The following TEX2 variants were observed in gnomAD, a reference collection of about 807,000 sequenced individuals.
TEX2 encodes the protein testis expressed 2.
In TEX2, 53 loss-of-function variants were observed where a neutral mutation model predicts 106.9. The observed-to-expected ratio is 0.50, with a 90% CI of 0.40 to 0.62. The LOEUF is 0.62. Among genes scored for constraint, TEX2 ranks in the 20% least tolerant of loss-of-function variants. The probability of loss-of-function intolerance (pLI) is 0.00; values close to 1 mark genes in which losing one functional copy is unlikely to be tolerated. For synonymous variants in TEX2, 523 were observed against 534.8 expected, an observed-to-expected ratio of 0.98 and a Z score of 0.30; for missense variants, 1,207 against 1,379.0, an observed-to-expected ratio of 0.88 and a Z score of 1.98.
chr17:64,214,064 ACTC>A lies in TEX2; in HGVS notation c.151_153del (p.Glu51del), dbSNP rs1437133226. On this transcript the variant is annotated inframe_deletion, in exon 2 of 12. Coordinates refer to ENST00000584379, the MANE Select transcript of TEX2 (RefSeq NM_001288732.2). ...AGCCCCTCCTCAAAGTACTCCCTGA[ACTC>A]CTCCTCCTCTTCCTCCTCCTCCTCG... 3.1e-6 allele frequency: 5 copies of A among 1,613,392 alleles called. No individual in the cohort carries two copies. Among genetic ancestry groups the A allele is most frequent in the Admixed American group, 1.7e-5 (1 of 59,930 alleles).
At chr17:64,252,086 G>A (rs2034103949) in intron 1 of TEX2, among the ~76,000 whole-genome samples, 1 of 152,112 alleles carries the variant, frequency 6.6e-6, no homozygotes, top group Non-Finnish European at 1.5e-5. Context: ...CCTGAGGCTG[G>A]GTGCAGAAAA....
Position 64,232,865 on chromosome 17 carries a change from G to C in TEX2, c.-25-18623C>G, listed in dbSNP as rs1032481815. Reference sequence around the variant, plus strand: ...GCTGAAAATGGTCCCTGGTTCCCATGGGTTCCTTTGCAGATGGCATGAGCC... The same window carrying C: ...GCTGAAAATGGTCCCTGGTTCCCATCGGTTCCTTTGCAGATGGCATGAGCC... On this transcript the variant is annotated intron_variant, in intron 1 of 11. Transcript: ENST00000584379. Among the ~76,000 whole-genome samples the C allele has an allele frequency of 5.3e-5, 8 of 152,192 alleles. 1 individual carries two copies. In the South Asian group the frequency reaches 8.3e-4, roughly 16 times the overall value.
chr17:64,215,127 C>A (rs1030634259), intron 1 of TEX2, among the ~76,000 whole-genome samples: 1 of 152,174 alleles, frequency 6.6e-6, no homozygotes, highest in African/African-American at 2.4e-5. Flanking sequence ...AAGTCAGAAG[C>A]CTGAAAAGCT....
At chr17:64,259,832 C>T (rs1867622) in intron 1 of TEX2, among the ~76,000 whole-genome samples, 2 of 152,158 alleles carry the variant, frequency 1.3e-5, no homozygotes, top group African/African-American at 4.8e-5. Flanking sequence ...GACTATAAGA[C>T]ACACTGTTAT....
intron 6 of TEX2, among the ~76,000 whole-genome samples, chr17:64,172,544 CGGA>C (rs2031455600): frequency 6.6e-6 from 1 of 152,014 alleles, no homozygotes; most frequent in Non-Finnish European, 1.5e-5. Flanking sequence ...GGGAGGCACA[CGGA>C]GAAGAGTGTT....
chr17:64,253,233 G>A (rs1002960405), intron 1 of TEX2, among the ~76,000 whole-genome samples: 20 of 152,188 alleles, frequency 1.3e-4, no homozygotes, highest in African/African-American at 4.8e-4. Context: ...CAACCTCCTG[G>A]GTTCAAACAA....
rs532898241 is a variant in TEX2 at position 64,262,233 on chromosome 17, C to T, written c.-26+935G>A. ...TCCCTCAACTCTAAAAAAGGATGTC[C>T]TCCCTGGACAGTGTCTGTAAAACAC... On this transcript the variant is annotated intron_variant, in intron 1 of 11. Coordinates refer to ENST00000584379, the MANE Select transcript of TEX2 (RefSeq NM_001288732.2). Among the ~76,000 whole-genome samples the T allele has an allele frequency of 9.2e-5, 14 of 152,332 alleles. No homozygotes were observed. In the South Asian group the frequency reaches 2.9e-3, roughly 32 times the overall value.
At position 64,148,819 on chromosome 17, in the gene TEX2, T is replaced by C. The variant is rs1171422352; in HGVS notation, c.*150A>G. ...AGATGCAGGGAATGACACCTCACAG[T>C]GGAATGGGCACTGGCAGGCAGAGGG... On this transcript the variant is annotated 3_prime_UTR_variant, in exon 12 of 12. Transcript: ENST00000584379. The C allele has an allele frequency of 2.2e-6, 2 of 909,920 alleles. No homozygotes were observed. The highest frequency in any genetic ancestry group is 3.3e-6 in the Non-Finnish European group (2 of 613,360). 56.4% of individuals were successfully genotyped at this position (909,920 alleles called of 1,614,324 possible). A position where few individuals can be genotyped will look rare whatever the true frequency, so the allele number is the denominator to read the frequency against.
At chr17:64,233,354 A>G (rs2033698747) in intron 1 of TEX2, among the ~76,000 whole-genome samples, 1 of 152,106 alleles carries the variant, frequency 6.6e-6, no homozygotes, top group African/African-American at 2.4e-5. Context: ...TGGGTGGATC[A>G]CGAGGTCAGG....
In TEX2 at chr17:64,205,303, C is replaced by T. The variant is rs994648074; in HGVS notation, c.1644+7271G>A. On this transcript the variant is annotated intron_variant, in intron 2 of 11. Transcript: ENST00000584379. The surrounding 1 kb of genome is among the most constrained non-coding windows in gnomAD (Gnocchi z 4.0). ...CTGCACTCTAGCCTGAGCGACAGAG[C>T]GAGGCAAAACAAACAAACATACAAA... 6.6e-6 allele frequency among the ~76,000 whole-genome samples: 1 copy of T among 152,108 alleles called. No individual in the cohort carries two copies. The highest frequency in any genetic ancestry group is 6.5e-5 in the Admixed American group (1 of 15,270).
intron 7 of TEX2, among the ~76,000 whole-genome samples, chr17:64,167,540 T>C (rs2331542): frequency 0.72 from 109,700 of 152,034 alleles, 39,684 homozygotes; most frequent in East Asian, 0.83. Context: ...CTGTTTGAGC[T>C]GGGCGCAGTG....
At chr17:64,244,857 C>T (rs1485433144) in intron 1 of TEX2, among the ~76,000 whole-genome samples, 1 of 152,154 alleles carries the variant, frequency 6.6e-6, no homozygotes, top group Non-Finnish European at 1.5e-5. Context: ...CTACTCCCCC[C>T]AACCCTGGCT....
rs1368617941 is a variant in TEX2, at chr17:64,205,955, G to T, written c.1644+6619C>A. 1.3e-5 allele frequency among the ~76,000 whole-genome samples: 2 copies of T among 152,132 alleles called. No individual in the cohort carries two copies. Among genetic ancestry groups the T allele is most frequent in the African/African-American group, 4.8e-5 (2 of 41,408 alleles). The stretch of plus-strand genomic sequence containing the variant: ...TTGCTCGTGAATATAATTCAAAATT[G>T]CATCTGAGTCATATACTCAAACATA... On this transcript the variant is annotated intron_variant, in intron 2 of 11. Transcript: ENST00000584379. This position sits in a 1 kb window ranked among gnomAD's most constrained non-coding sequence, Gnocchi z 4.0.
At chr17:64,239,819 TGAGCCAAGATCA>T (rs2033847612) in intron 1 of TEX2, among the ~76,000 whole-genome samples, 1 of 126,970 alleles carries the variant, frequency 7.9e-6, no homozygotes, top group Admixed American at 1.1e-4. Context: ...GAGGTTGCAG[TGAGCCAAGATCA>T]TGCCACTGCA....
rs1443643350 is a variant in TEX2, at chr17:64,212,557, C to T, written c.1644+17G>A. The T allele has an allele frequency of 6.2e-7, 1 of 1,602,862 alleles. No homozygotes were observed. The highest frequency in any genetic ancestry group is 8.5e-7 in the Non-Finnish European group (1 of 1,173,064). On this transcript the variant is annotated intron_variant, in intron 2 of 11. Transcript: ENST00000584379. ...TGAGAAGTGTGTGTACTAGCCAGCT[C>T]CCGGGGAGAGGCTTACCTTCAGTAT...
In TEX2 at chr17:64,201,658, A is replaced by G. The variant is rs569103430; in HGVS notation, c.1645-6563T>C. On this transcript the variant is annotated intron_variant, in intron 2 of 11. Coordinates refer to ENST00000584379, the MANE Select transcript of TEX2 (RefSeq NM_001288732.2). ...AGCTCCATGGCACGGCCCCACCTGC[A>G]GTCTGGCTTGTGCCTAGTCACCCCT... 2.0e-5 allele frequency among the ~76,000 whole-genome samples: 3 copies of G among 152,270 alleles called. No homozygotes were observed. The South Asian group carries it at 6.2e-4, about 32-fold the overall frequency.
chr17:64,231,525 G>A (rs1275643527), intron 1 of TEX2, among the ~76,000 whole-genome samples: 1 of 152,208 alleles, frequency 6.6e-6, no homozygotes, highest in Non-Finnish European at 1.5e-5. Context: ...GACCGTCTCT[G>A]GGGTTCCTGT....
intron 6 of TEX2, among the ~76,000 whole-genome samples, chr17:64,173,382 T>C (rs940708705): frequency 6.6e-6 from 1 of 152,166 alleles, no homozygotes; most frequent in Non-Finnish European, 1.5e-5. Context: ...AAAAATTAAA[T>C]GTAAACTAAA....
intron 7 of TEX2, among the ~76,000 whole-genome samples, chr17:64,166,193 C>T (rs1214693317): frequency 6.6e-6 from 1 of 152,228 alleles, no homozygotes; most frequent in African/African-American, 2.4e-5. Context: ...AACACAGTGG[C>T]CGGAGAGCAG....
Sources: gnomAD v4.1 joint callset for allele counts (sites outside exome capture counted in the v4.1 genomes callset) on GRCh38, gnomAD v4.1.1 for gene constraint, Gnocchi (gnomAD v3.1) non-coding constraint, MANE v1.5 for transcripts, NCBI Gene and HGNC (gene_info 2026-07-23, HGNC 2026-07-21) for gene names.